ANO1: variants seen among roughly 807,000 people sequenced by gnomAD.
ANO1 encodes the protein anoctamin-1.
ANO1 carries 59 observed loss-of-function variants against 124.0 expected under a neutral mutation model. The ratio of observed to expected loss-of-function variants is 0.48; its 90% CI spans 0.39 to 0.59. The LOEUF is 0.59. ANO1 is among the 20% of genes least tolerant of loss of function. The pLI is 0.00. For missense variants in ANO1, 1,059 were observed against 1,328.0 expected, an observed-to-expected ratio of 0.80 and a Z score of 3.15; for synonymous variants, 529 against 532.0, an observed-to-expected ratio of 0.99 and a Z score of 0.08.
intron 1 of ANO1, among the ~76,000 whole-genome samples, chr11:70,007,495 C>G (rs1008203448): frequency 1.3e-5 from 2 of 152,122 alleles, no homozygotes; most frequent in Admixed American, 1.3e-4. Flanking sequence ...CCAGGATGGT[C>G]TCGATCTCCT....
chr11:70,100,965 C>T (rs1029989026), intron 2 of ANO1, among the ~76,000 whole-genome samples: 8 of 152,128 alleles, frequency 5.3e-5, no homozygotes, highest in Non-Finnish European at 7.4e-5. Context: ...GAGAGGATGG[C>T]GTAGGGCAGG....
At chr11:70,135,255 C>G (rs1250682077) in intron 11 of ANO1, among the ~76,000 whole-genome samples, 1 of 152,160 alleles carries the variant, frequency 6.6e-6, no homozygotes, top group East Asian at 1.9e-4. Flanking sequence ...CCTGTAGCCA[C>G]TTCTCCAAAG....
chr11:70,095,550 G>GT, intron 2 of ANO1, among the ~76,000 whole-genome samples: 1 of 152,362 alleles, frequency 6.6e-6, no homozygotes, highest in East Asian at 1.9e-4. Flanking sequence ...GGCTGCTGGG[G>GT]TGAAATCTTT....
intron 1 of ANO1, among the ~76,000 whole-genome samples, chr11:70,019,244 CACACACACACACACACACATT>C (rs1565162201): frequency 2.1e-3 from 272 of 131,580 alleles, no homozygotes; most frequent in East Asian, 3.2e-3. Flanking sequence ...AGAACCCCCC[CACACACACACACACACACATT>C]CACTCCCCCG....
the ANO1 span, among the ~76,000 whole-genome samples, chr11:69,977,159 G>A: frequency 2.6e-5 from 4 of 152,158 alleles, no homozygotes; most frequent in Non-Finnish European, 5.9e-5. Context: ...AAAAGAGGGG[G>A]GGACAGGTGT....
At chr11:70,182,443 C>T (rs570674817) in intron 23 of ANO1, 59 bp from the exon 24 acceptor site, 13 of 1,399,908 alleles carry the variant, frequency 9.3e-6, no homozygotes, top group Middle Eastern at 1.9e-4. Flanking sequence ...CCCCCTGTTG[C>T]GGCCGGCCCT....
At chr11:70,108,256 A>G in intron 5 of ANO1, 97 bp from the exon 6 acceptor site, 1 of 1,234,152 alleles carries the variant, frequency 8.1e-7, no homozygotes, top group Non-Finnish European at 1.2e-6. Flanking sequence ...CTTCATGCGT[A>G]ACGTGTGACC....
intron 1 of ANO1, among the ~76,000 whole-genome samples, chr11:70,005,702 G>A (rs2120353211): frequency 6.6e-6 from 1 of 152,248 alleles, no homozygotes; most frequent in African/African-American, 2.4e-5. Context: ...GAGTTTACCA[G>A]CTCCAAAGAA....
chr11:70,110,612 G>C (rs921634777), intron 6 of ANO1, among the ~76,000 whole-genome samples: 3 of 152,134 alleles, frequency 2.0e-5, no homozygotes, highest in Admixed American at 6.5e-5. Flanking sequence ...CCACAGAGAT[G>C]GCCCATTTTC....
chr11:70,104,051 T>A lies in ANO1; in HGVS notation c.593T>A (p.Leu198His). The A allele has an allele frequency of 3.1e-6, 5 of 1,612,542 alleles. No individual in the cohort carries two copies. The highest frequency in any genetic ancestry group is 4.2e-6 in the Non-Finnish European group (5 of 1,179,420). ...RGLLKKINSV[L>H]QKITDPIQPK... The stretch of plus-strand genomic sequence containing the variant: ...CTCCTGAAAAAAATCAACTCTGTGC[T>A]CCAGAAAATCACAGATCCCATCCAG... The change falls in exon 4 of 26, where the codon CTC (leucine) becomes CAC (histidine). Residue 198 changes from leucine to histidine, a missense_variant. Leu to His is a moderately conservative substitution (Grantham distance 99). Around this residue, in one of 2 missense-constraint regions of ANO1, gnomAD observed 809 missense variants for 1,094.9 expected, o/e 0.74. Transcript: ENST00000355303.
chr11:70,053,644 A>T (rs7934331), intron 1 of ANO1, among the ~76,000 whole-genome samples: 1 of 152,132 alleles, frequency 6.6e-6, no homozygotes, highest in East Asian at 1.9e-4. Flanking sequence ...GATTTATAAG[A>T]TATATGTATA....
intron 1 of ANO1, among the ~76,000 whole-genome samples, chr11:70,065,601 C>G (rs904824894): frequency 2.7e-5 from 4 of 149,260 alleles, no homozygotes; most frequent in African/African-American, 1.0e-4. Flanking sequence ...TGGCCTGGCC[C>G]TCCCAACTTC....
chr11:69,998,758 A>C (rs995150140), intron 1 of ANO1, among the ~76,000 whole-genome samples: 3 of 151,974 alleles, frequency 2.0e-5, no homozygotes, highest in African/African-American at 7.3e-5. Flanking sequence ...GACCATCCTG[A>C]CCAACATGGC....
chr11:69,976,446 G>A, the ANO1 span, among the ~76,000 whole-genome samples: 8 of 147,338 alleles, frequency 5.4e-5, no homozygotes, highest in African/African-American at 1.5e-4. Context: ...GGCGGAGCTC[G>A]CAGTGAGCCG....
intron 4 of ANO1, among the ~76,000 whole-genome samples, chr11:70,105,481 T>C (rs1308922520): frequency 6.6e-6 from 1 of 150,726 alleles, no homozygotes; most frequent in African/African-American, 2.4e-5. Flanking sequence ...GGCTGGAGGG[T>C]GGTCTGACCG....
chr11:70,127,122 C>T (rs1310643793), intron 10 of ANO1, among the ~76,000 whole-genome samples: 3 of 138,016 alleles, frequency 2.2e-5, no homozygotes, highest in Admixed American at 7.2e-5. Context: ...GTCTGGTGCT[C>T]CCAGGAGGTG....
chr11:70,072,438 A>T (rs960360265), intron 1 of ANO1: 6 of 152,268 alleles, frequency 3.9e-5, no homozygotes, highest in Non-Finnish European at 8.8e-5. Context: ...CTTGCATGGC[A>T]TAACAAAATT....
intron 25 of ANO1, 35 bp downstream of exon 25, chr11:70,185,730 A>C (rs748860858): frequency 6.2e-7 from 1 of 1,605,086 alleles, no homozygotes; most frequent in Non-Finnish European, 8.5e-7. Context: ...CGGTTTGAAG[A>C]TGGGAGCATT....
chr11:70,115,040 G>A (rs560567458), intron 7 of ANO1, among the ~76,000 whole-genome samples: 154 of 152,296 alleles, frequency 1.0e-3, no homozygotes, highest in African/African-American at 3.4e-3. Context: ...CTGGGATCGC[G>A]TGGCTGTCTC....
Sources: gnomAD v4.1 joint callset for allele counts (sites outside exome capture counted in the v4.1 genomes callset) on GRCh38, gnomAD v4.1.1 for gene constraint, gnomAD v4.1.1 regional missense constraint, MANE v1.5 for transcripts, NCBI Gene and HGNC (gene_info 2026-07-23, HGNC 2026-07-21) for gene names.